The following ZNF423 variants were observed in gnomAD, a reference collection of about 807,000 sequenced individuals.
The protein encoded by ZNF423 is Ebf-associated zinc finger protein.
A neutral mutation model predicts 95.8 loss-of-function variants in ZNF423; 12 were observed. The ratio of observed to expected loss-of-function variants is 0.13; its 90% confidence interval spans 0.08 to 0.20. The LOEUF (loss-of-function observed/expected upper bound fraction) is 0.20, where lower values mean the gene tolerates loss of function less well. ZNF423 is among the 10% of genes least tolerant of loss of function. The pLI, the probability that ZNF423 is intolerant of heterozygous loss-of-function variation, is 1.00. For synonymous variants in ZNF423, 749 were observed against 711.9 expected (o/e 1.05, Z -0.83); for missense variants, 1,316 against 1,737.1 (o/e 0.76, Z 4.31).
At chr16:49,563,670 T>G (rs1158326736) in intron 5 of ZNF423, among the ~76,000 whole-genome samples, 2 of 152,210 alleles carry the variant, frequency 1.3e-5, no homozygotes, top group Non-Finnish European at 2.9e-5. Context: ...CTTTGGCCTC[T>G]AGGCCTGTCG....
At chr16:49,662,795 A>C (rs2030312111) in intron 3 of ZNF423, among the ~76,000 whole-genome samples, 1 of 152,256 alleles carries the variant, frequency 6.6e-6, no homozygotes, top group Admixed American at 6.5e-5. Context: ...GATCCCAGGC[A>C]GGGATCTAGC....
intron 3 of ZNF423, among the ~76,000 whole-genome samples, chr16:49,659,030 A>G (rs2030051546): frequency 6.6e-6 from 1 of 152,142 alleles, no homozygotes; most frequent in South Asian, 2.1e-4. Flanking sequence ...TAAAATCTAT[A>G]TTATTTATTT....
At chr16:49,854,600 C>T (rs904189580) in intron 1 of ZNF423, 1 of 985,286 alleles carries the variant, frequency 1.0e-6, no homozygotes, top group South Asian at 4.7e-5. Flanking sequence ...CCCCCTTCCT[C>T]GATCATCTCC....
At chr16:49,711,047 G>A (rs368366904) in intron 3 of ZNF423, among the ~76,000 whole-genome samples, 32 of 152,260 alleles carry the variant, frequency 2.1e-4, no homozygotes, top group Non-Finnish European at 4.1e-4. Flanking sequence ...CTAGGGTGAC[G>A]ACTGTGGAAC....
chr16:49,566,474 C>T (rs1176580132), intron 5 of ZNF423, among the ~76,000 whole-genome samples: 1 of 152,148 alleles, frequency 6.6e-6, no homozygotes, highest in Non-Finnish European at 1.5e-5. Context: ...CTATGAAAGA[C>T]TCCATGGCCC....
rs951881208 is a variant in ZNF423, at chr16:49,729,974, T to C, written c.301+797A>G. On this transcript the variant is annotated intron_variant, in intron 3 of 7. Coordinates refer to ENST00000563137, the MANE Select transcript of ZNF423 (RefSeq NM_001379286.1). ...CAAGGAGCTTCATCAACAACCCTGATGGAAGAAGGTCTCTCAGGAAGACTG... is the reference window on the plus strand; with the variant it reads ...CAAGGAGCTTCATCAACAACCCTGACGGAAGAAGGTCTCTCAGGAAGACTG... 4.6e-5 allele frequency among the ~76,000 whole-genome samples: 7 copies of C among 152,130 alleles called. No individual in the cohort carries two copies. The South Asian group carries it at 1.0e-3, about 23-fold the overall frequency.
chr16:49,752,919 A>G (rs753943890), intron 2 of ZNF423, among the ~76,000 whole-genome samples: 2 of 152,236 alleles, frequency 1.3e-5, no homozygotes, highest in Non-Finnish European at 2.9e-5. Flanking sequence ...AACCGCAGAG[A>G]CAAAATCCAC....
At chr16:49,815,870 C>CAAA (rs1168729871) in intron 1 of ZNF423, among the ~76,000 whole-genome samples, 17 of 39,526 alleles carry the variant, frequency 4.3e-4, no homozygotes, top group Non-Finnish European at 6.3e-4. Context: ...TCCAAACAAA[C>CAAA]AAAAAAAAAA....
chr16:49,711,717 G>A (rs923574844), intron 3 of ZNF423: 2 of 152,232 alleles, frequency 1.3e-5, no homozygotes, highest in African/African-American at 4.8e-5. Context: ...TAAAGGTGTA[G>A]GAGAAGGTCT....
At chr16:49,757,251 T>C (rs2033744270) in intron 2 of ZNF423, among the ~76,000 whole-genome samples, 1 of 152,232 alleles carries the variant, frequency 6.6e-6, no homozygotes, top group Non-Finnish European at 1.5e-5. Flanking sequence ...CCATGTGCTA[T>C]TGGAGATTCC....
chr16:49,718,436 C>T (rs115964945), intron 3 of ZNF423, among the ~76,000 whole-genome samples: 2,258 of 152,164 alleles, frequency 0.015, 57 homozygotes, highest in African/African-American at 0.05. Flanking sequence ...TGAACGCACA[C>T]GTGCCAGGGG....
chr16:49,663,502 G>A (rs2030359968), intron 3 of ZNF423, among the ~76,000 whole-genome samples: 1 of 151,922 alleles, frequency 6.6e-6, no homozygotes, highest in Non-Finnish European at 1.5e-5. Flanking sequence ...TGTGACTGGA[G>A]AGGGGACCAG....
At chr16:49,649,509 T>C (rs2541704) in intron 3 of ZNF423, among the ~76,000 whole-genome samples, 116,636 of 151,914 alleles carry the variant, frequency 0.77, 45,462 homozygotes, top group African/African-American at 0.89. Flanking sequence ...GCTCTAAATA[T>C]CCAGTTTTCC....
intron 1 of ZNF423, among the ~76,000 whole-genome samples, chr16:49,838,836 G>A (rs2035150714): frequency 6.6e-6 from 1 of 151,758 alleles, no homozygotes; most frequent in Non-Finnish European, 1.5e-5. Context: ...GGCCCTGAGT[G>A]ACTGCGCCGC....
intron 5 of ZNF423, among the ~76,000 whole-genome samples, chr16:49,582,347 C>T (rs1010359481): frequency 6.6e-6 from 1 of 152,368 alleles, no homozygotes; most frequent in African/African-American, 2.4e-5. Flanking sequence ...GTCACCTCTT[C>T]TCTGAAGCCC....
At chr16:49,761,033 C>G (rs1337806300) in intron 2 of ZNF423, among the ~76,000 whole-genome samples, 1 of 134,764 alleles carries the variant, frequency 7.4e-6, no homozygotes, top group Non-Finnish European at 1.5e-5. Flanking sequence ...CACGTACACA[C>G]ACATGCACAC....
At chr16:49,823,037 C>T (rs1379797451) in intron 1 of ZNF423, among the ~76,000 whole-genome samples, 1 of 152,218 alleles carries the variant, frequency 6.6e-6, no homozygotes, top group Non-Finnish European at 1.5e-5. Flanking sequence ...TCAGACCACC[C>T]TGGTGACTAA....
intron 5 of ZNF423, among the ~76,000 whole-genome samples, chr16:49,557,969 C>T (rs1200811696): frequency 6.6e-6 from 1 of 152,224 alleles, no homozygotes; most frequent in African/African-American, 2.4e-5. Flanking sequence ...AACAGGGAAA[C>T]AGCCCACAGA....
At chr16:49,691,103 G>A (rs572075198) in intron 3 of ZNF423, among the ~76,000 whole-genome samples, 3 of 152,246 alleles carry the variant, frequency 2.0e-5, no homozygotes, top group East Asian at 1.9e-4. Context: ...AGAATCAGCC[G>A]ACCAGGGCAG....
Sources: allele counts gnomAD v4.1 joint callset (sites outside exome capture counted in the v4.1 genomes callset), GRCh38; gene constraint gnomAD v4.1.1; transcripts MANE v1.5; gene names NCBI Gene and HGNC (gene_info 2026-07-23, HGNC 2026-07-21).